RASGRP1: variants seen among roughly 807,000 people sequenced by gnomAD.
RASGRP1 encodes RAS guanyl releasing protein 1, also known as RAS guanyl-releasing protein 1.
In RASGRP1, 37 loss-of-function variants were observed where a neutral mutation model predicts 95.1. The observed-to-expected ratio is 0.39, with a 90% CI of 0.30 to 0.51. RASGRP1 has a LOEUF of 0.51. RASGRP1 is among the 20% of genes least tolerant of loss of function. The probability of loss-of-function intolerance (pLI) is 0.80; values close to 1 mark genes in which losing one functional copy is unlikely to be tolerated. For missense variants in RASGRP1, 711 were observed against 965.4 expected (o/e 0.74, Z 3.49); for synonymous variants, 325 against 353.4 (o/e 0.92, Z 0.90).
intron 2 of RASGRP1, among the ~76,000 whole-genome samples, chr15:38,549,088 T>C (rs1893225917): frequency 6.6e-6 from 1 of 152,194 alleles, no homozygotes; most frequent in African/African-American, 2.4e-5. Flanking sequence ...GAGGGTCCTA[T>C]GGCTCCCATC....
At chr15:38,502,917 C>A in intron 11 of RASGRP1, 1 of 293,082 alleles carries the variant, frequency 3.4e-6, no homozygotes, top group Non-Finnish European at 6.4e-6. Context: ...CAGCAATTAG[C>A]ACAGAGAATT....
chr15:38,538,173 A>G (rs1384339714), intron 2 of RASGRP1, among the ~76,000 whole-genome samples: 1 of 152,204 alleles, frequency 6.6e-6, no homozygotes, highest in Non-Finnish European at 1.5e-5. Context: ...CTGAGGCATG[A>G]GAATAGCTTG....
chr15:38,509,584 G>A (rs757404694), intron 8 of RASGRP1, among the ~76,000 whole-genome samples: 2 of 152,062 alleles, frequency 1.3e-5, no homozygotes, highest in African/African-American at 2.4e-5. Context: ...AAATTAACCC[G>A]GCGTGGTGGC....
chr15:38,557,022 C>T (rs556599929), intron 2 of RASGRP1, among the ~76,000 whole-genome samples: 1 of 152,182 alleles, frequency 6.6e-6, no homozygotes, highest in South Asian at 2.1e-4. Flanking sequence ...AACTCATTAA[C>T]AAAAAGCTAG....
chr15:38,514,359 A>G lies in RASGRP1; in HGVS notation c.676-1403T>C, dbSNP rs1034094251. Reference sequence around the variant, plus strand: ...AAAGTAGCCACAACTCATTGCATATATTTTGAATATATTCATTCAATTAAT... The same window carrying G: ...AAAGTAGCCACAACTCATTGCATATGTTTTGAATATATTCATTCAATTAAT... On this transcript the variant is annotated intron_variant, in intron 6 of 16. Transcript: ENST00000310803. Among the ~76,000 whole-genome samples the G allele has an allele frequency of 1.2e-4, 18 of 152,310 alleles. No homozygotes were observed. The East Asian group carries it at 2.9e-3, about 24-fold the overall frequency.
intron 6 of RASGRP1, among the ~76,000 whole-genome samples, chr15:38,513,634 T>C (rs1280862746): frequency 6.6e-6 from 1 of 152,192 alleles, no homozygotes; most frequent in Non-Finnish European, 1.5e-5. Flanking sequence ...AAGTTGACAA[T>C]AGCATTGACT....
At chr15:38,542,293 C>T (rs556758469) in intron 2 of RASGRP1, among the ~76,000 whole-genome samples, 11 of 152,262 alleles carry the variant, frequency 7.2e-5, no homozygotes, top group Admixed American at 2.6e-4. Flanking sequence ...CAACCAGTTA[C>T]AGGTTTCTTT....
At chr15:38,521,344 C>A (rs546361233) in intron 3 of RASGRP1, among the ~76,000 whole-genome samples, 1 of 152,274 alleles carries the variant, frequency 6.6e-6, no homozygotes, top group African/African-American at 2.4e-5. Flanking sequence ...TACATTAAAT[C>A]GACATGGTGA....
Position 38,526,347 on chromosome 15 carries a change from T to C in RASGRP1, c.278A>G (p.His93Arg). The change falls in exon 3 of 17, where the codon CAC becomes CGC. Residue 93 changes from histidine to arginine, a missense_variant. Around this residue, in one of 3 missense-constraint regions of RASGRP1, gnomAD observed 491 missense variants for 676.6 expected, o/e 0.73. Transcript: ENST00000310803. ...NQLLQVMLTMHRIVISSAELL... is the reference protein window; with the variant it reads ...NQLLQVMLTMRRIVISSAELL... ...TTCTGCAGAGGAGATGACAATTCGG[T>C]GCATGGTCAGCATGACTTGCAACAG... 1 of 1,613,350 alleles carries C rather than the reference T, an allele frequency of 6.2e-7. No homozygotes were observed. Among genetic ancestry groups the C allele is most frequent in the Non-Finnish European group, 8.5e-7 (1 of 1,179,444 alleles).
intron 2 of RASGRP1, among the ~76,000 whole-genome samples, chr15:38,554,215 T>C (rs1893455245): frequency 6.6e-6 from 1 of 152,318 alleles, no homozygotes; most frequent in African/African-American, 2.4e-5. Flanking sequence ...CTCTCACTAA[T>C]GAGCTGAACC....
chr15:38,495,255 G>A (rs1156759029), intron 15 of RASGRP1, among the ~76,000 whole-genome samples: 1 of 152,146 alleles, frequency 6.6e-6, no homozygotes, highest in Non-Finnish European at 1.5e-5. Flanking sequence ...TGAGAAAGAA[G>A]TTTTAGCTTT....
In RASGRP1 at chr15:38,498,806, C is replaced by G. The variant is rs998869758; in HGVS notation, c.1861G>C (p.Asp621His). 1 of 1,613,474 alleles carries G rather than the reference C, an allele frequency of 6.2e-7. No individual in the cohort carries two copies. The highest frequency in any genetic ancestry group is 8.5e-7 in the Non-Finnish European group (1 of 1,179,818). ...AGTGCCTACTTACCATGGAGCAGATCTTTGGCTCCCAATGAGCAAAGGTTG... is the reference window on the plus strand; with the variant it reads ...AGTGCCTACTTACCATGGAGCAGATGTTTGGCTCCCAATGAGCAAAGGTTG... Reference protein sequence around the residue: ...VSNLCSLGAKDLLHAPEEGPF... With the variant: ...VSNLCSLGAKHLLHAPEEGPF... Residue 621 changes from aspartate (D) to histidine (H), a missense_variant, in exon 15 of 17, where the codon GAT becomes CAT. Coordinates refer to ENST00000310803, the MANE Select transcript of RASGRP1 (RefSeq NM_005739.4).
In RASGRP1 at chr15:38,564,706, C is replaced by T. The variant is rs1271421644; in HGVS notation, c.-78G>A. ...GCATCGCCCCCGCCACCACCGCCGC[C>T]GCCTGCCGGCTCTCTCCCCCCCGGG... is the stretch of plus-strand genomic sequence containing the variant. On this transcript the variant is annotated 5_prime_UTR_variant, in exon 1 of 17. Transcript: ENST00000310803. 3 of 1,145,754 alleles carry T rather than the reference C, an allele frequency of 2.6e-6. No individual in the cohort carries two copies. The highest frequency in any genetic ancestry group is 4.6e-5 in the Admixed American group (1 of 21,556). The allele number at this position is 1,145,754 out of a possible 1,614,324, so 71.0% of individuals were successfully genotyped here. A position where few individuals can be genotyped will look rare whatever the true frequency, so the allele number is the denominator to read the frequency against.
chr15:38,499,214 C>G lies in RASGRP1; in HGVS notation c.1721-268G>C, dbSNP rs947160427. 5.1e-6 allele frequency: 3 copies of G among 591,040 alleles called. No homozygotes were observed. In the African/African-American group the frequency reaches 5.5e-5, roughly 11 times the overall value. 36.6% of individuals were successfully genotyped at this position (591,040 alleles called of 1,614,324 possible). A position where few individuals can be genotyped will look rare whatever the true frequency, so the allele number is the denominator to read the frequency against. The stretch of plus-strand genomic sequence containing the variant: ...GAGGGAAGAGATGGTGTCCTGGTAT[C>G]CCATACATTCTGCCTACTCTAGGGA... On this transcript the variant is annotated intron_variant, in intron 14 of 16. Transcript: ENST00000310803.
intron 8 of RASGRP1, among the ~76,000 whole-genome samples, chr15:38,508,603 T>C (rs1891362036): frequency 1.3e-5 from 2 of 152,180 alleles, no homozygotes; most frequent in Admixed American, 1.3e-4. Context: ...TGACATTCCA[T>C]TCACAGACTA....
At chr15:38,557,160 C>A (rs1443608656) in intron 2 of RASGRP1, among the ~76,000 whole-genome samples, 1 of 152,182 alleles carries the variant, frequency 6.6e-6, no homozygotes, top group Non-Finnish European at 1.5e-5. Flanking sequence ...AAGAGACCTA[C>A]GGAAGCACAG....
At chr15:38,543,106 G>A (rs1892969095) in intron 2 of RASGRP1, among the ~76,000 whole-genome samples, 1 of 151,440 alleles carries the variant, frequency 6.6e-6, no homozygotes, top group Non-Finnish European at 1.5e-5. Context: ...AATACTCTAA[G>A]TTTGCAAAAA....
At chr15:38,506,034 C>CAGTT in intron 9 of RASGRP1, 114 bp from the exon 10 acceptor site, 1 of 803,332 alleles carries the variant, frequency 1.2e-6, no homozygotes, top group Non-Finnish European at 2.0e-6. Flanking sequence ...AGGTTCTAAA[C>CAGTT]AGTTTGTTTT....
At chr15:38,537,967 G>A (rs1364791428) in intron 2 of RASGRP1, among the ~76,000 whole-genome samples, 1 of 152,150 alleles carries the variant, frequency 6.6e-6, no homozygotes, top group Non-Finnish European at 1.5e-5. Context: ...AGCTGAATAG[G>A]AATGTGCTTC....
Sources: allele counts gnomAD v4.1 joint callset (sites outside exome capture counted in the v4.1 genomes callset), GRCh38; gene constraint gnomAD v4.1.1; regional missense constraint gnomAD v4.1.1; transcripts MANE v1.5; gene names NCBI Gene and HGNC (gene_info 2026-07-23, HGNC 2026-07-21).